Variants in CCDC73 observed in about 807,000 individuals in gnomAD.
The protein encoded by CCDC73 is coiled-coil domain-containing protein 73.
A neutral mutation model predicts 116.5 loss-of-function variants in CCDC73; 95 were observed. The ratio of observed to expected loss-of-function variants is 0.82; its 90% confidence interval spans 0.69 to 0.97. The LOEUF (loss-of-function observed/expected upper bound fraction) is 0.97, where lower values mean the gene tolerates loss of function less well. CCDC73 is among the 50% of genes least tolerant of loss of function. The pLI is 0.00. For missense variants in CCDC73, 1,066 were observed against 1,206.8 expected (o/e 0.88, Z 1.73); for synonymous variants, 398 against 401.3 (o/e 0.99, Z 0.10).
rs534455771 is a variant in CCDC73 at position 32,632,242 on chromosome 11, T to C, written c.1185+3454A>G. ...GGTTTATTTTTGTTGTTTGTTTTCT[T>C]TGAGACGGAGTCTCACTCTGTAGCC... On this transcript the variant is annotated intron_variant, in intron 14 of 17. Coordinates refer to ENST00000335185, the MANE Select transcript of CCDC73 (RefSeq NM_001008391.4). Among the ~76,000 whole-genome samples, 13 of 152,278 alleles carry C rather than the reference T, an allele frequency of 8.5e-5. No individual in the cohort carries two copies. In the South Asian group the frequency reaches 1.2e-3, roughly 15 times the overall value.
chr11:32,730,979 A>T (rs781499329), intron 2 of CCDC73, among the ~76,000 whole-genome samples: 1 of 152,188 alleles, frequency 6.6e-6, no homozygotes, highest in African/African-American at 2.4e-5. Context: ...GCGAGGCATC[A>T]TCTCACCCGG....
chr11:32,723,804 T>C, intron 2 of CCDC73, among the ~76,000 whole-genome samples: 1 of 152,308 alleles, frequency 6.6e-6, no homozygotes, highest in Non-Finnish European at 1.5e-5. Context: ...TTCTGTATTC[T>C]AGGTACTTTA....
chr11:32,763,503 G>C lies in CCDC73; in HGVS notation c.-15-3245C>G, dbSNP rs114656385. ...CAAACAGGGTCTGGTGTACCTGAAA[G>C]GGTCTTGAGTGGACCTCCAGCAAAC... On this transcript the variant is annotated intron_variant, in intron 1 of 17. Transcript: ENST00000335185. Among the ~76,000 whole-genome samples the C allele has an allele frequency of 5.8e-3, 884 of 152,332 alleles. 7 individuals carry two copies. The highest frequency in any genetic ancestry group is 0.02 in the African/African-American group (841 of 41,574).
intron 9 of CCDC73, among the ~76,000 whole-genome samples, chr11:32,675,023 T>A (rs1856073321): frequency 6.6e-6 from 1 of 152,174 alleles, no homozygotes; most frequent in Admixed American, 6.6e-5. Context: ...CCTGAAACAT[T>A]ACTCCCTTCC....
chr11:32,688,134 G>A lies in CCDC73; in HGVS notation c.391-4560C>T, dbSNP rs151302519. ...CTTCACAAAACACGCTGATTACAAA[G>A]GAGAAAAGATTAACTTTACAGTGGA... is the stretch of plus-strand genomic sequence containing the variant. On this transcript the variant is annotated intron_variant, in intron 6 of 17. Transcript: ENST00000335185. 5.6e-3 allele frequency among the ~76,000 whole-genome samples: 851 copies of A among 152,218 alleles called. 3 individuals are homozygous for A. The highest frequency in any genetic ancestry group is 0.01 in the Non-Finnish European group (696 of 68,004).
At chr11:32,607,978 T>C (rs535779399) in intron 17 of CCDC73, among the ~76,000 whole-genome samples, 1 of 151,958 alleles carries the variant, frequency 6.6e-6, no homozygotes, top group South Asian at 2.1e-4. Flanking sequence ...TTATTCACTA[T>C]CACAAGAATA....
intron 2 of CCDC73, among the ~76,000 whole-genome samples, chr11:32,749,203 C>T (rs1709320990): frequency 6.6e-6 from 1 of 152,000 alleles, no homozygotes; most frequent in African/African-American, 2.4e-5. Flanking sequence ...GCTATTTTCT[C>T]GATTTTGTAT....
chr11:32,642,846 G>A (rs1157990415), intron 12 of CCDC73, among the ~76,000 whole-genome samples: 1 of 151,608 alleles, frequency 6.6e-6, no homozygotes, highest in East Asian at 1.9e-4. Flanking sequence ...GGTTAAAAAT[G>A]TCAAGCCACA....
At chr11:32,704,571 G>A (rs879515661) in intron 3 of CCDC73, among the ~76,000 whole-genome samples, 1 of 152,176 alleles carries the variant, frequency 6.6e-6, no homozygotes, top group Admixed American at 6.5e-5. Flanking sequence ...GGGCACTACA[G>A]ACAGCATGTT....
chr11:32,783,091 G>A (rs1260519623), intron 1 of CCDC73, among the ~76,000 whole-genome samples: 1 of 151,714 alleles, frequency 6.6e-6, no homozygotes, highest in Non-Finnish European at 1.5e-5. Context: ...TCAAGTGCCA[G>A]CACCAAGACA....
intron 12 of CCDC73, among the ~76,000 whole-genome samples, chr11:32,651,132 A>G (rs1855822542): frequency 1.3e-5 from 2 of 152,002 alleles, no homozygotes; most frequent in South Asian, 2.1e-4. Context: ...CCCATCTACT[A>G]TGTCCTGGAC....
At chr11:32,820,003 C>G in the CCDC73 span, among the ~76,000 whole-genome samples, 1 of 152,022 alleles carries the variant, frequency 6.6e-6, no homozygotes, top group Non-Finnish European at 1.5e-5. Flanking sequence ...TCCTTATCTC[C>G]TAATTTTTCT....
At chr11:32,829,958 G>A in the CCDC73 span, 1 of 985,664 alleles carries the variant, frequency 1.0e-6, no homozygotes, top group Non-Finnish European at 1.2e-6. Flanking sequence ...ACCGAGGCAG[G>A]ACCTCACCCC....
rs780008386 is a variant in CCDC73, at chr11:32,654,951, C to CT, written c.666dup (p.Asp223ArgfsTer12). The stretch of plus-strand genomic sequence containing the variant: ...CATGTGACTTTGGACTTTATCAAGT[C>CT]TGAGGCTGCTTTTTTTAGTTCCTTA... On this transcript the variant is annotated frameshift_variant, in exon 10 of 18. Transcript: ENST00000335185. LOFTEE classifies it high-confidence loss of function. The CT allele has an allele frequency of 1.9e-6, 3 of 1,594,654 alleles. No homozygotes were observed. Among genetic ancestry groups the CT allele is most frequent in the Non-Finnish European group, 2.6e-6 (3 of 1,175,156 alleles).
At chr11:32,829,458 A>G in the CCDC73 span, among the ~76,000 whole-genome samples, 5 of 152,256 alleles carry the variant, frequency 3.3e-5, no homozygotes, top group Non-Finnish European at 5.9e-5. Context: ...CCATTGGAGA[A>G]CCAATGTAAT....
chr11:32,830,299 T>G, the CCDC73 span: 2 of 844,062 alleles, frequency 2.4e-6, no homozygotes, highest in Non-Finnish European at 3.2e-6. Context: ...CGATCAGCCC[T>G]CGGCAGGGTC....
the CCDC73 span, among the ~76,000 whole-genome samples, chr11:32,823,006 G>A: frequency 6.6e-6 from 1 of 152,130 alleles, no homozygotes; most frequent in African/African-American, 2.4e-5. Context: ...AGTGGCTCAT[G>A]TCTGTAATCC....
intron 6 of CCDC73, among the ~76,000 whole-genome samples, chr11:32,698,259 C>T (rs1273669972): frequency 1.3e-5 from 2 of 151,930 alleles, no homozygotes; most frequent in Non-Finnish European, 2.9e-5. Flanking sequence ...CTCCTGACCT[C>T]GTGATCCACC....
At chr11:32,623,090 C>A (rs957081145) in intron 14 of CCDC73, among the ~76,000 whole-genome samples, 1 of 151,348 alleles carries the variant, frequency 6.6e-6, no homozygotes, top group Non-Finnish European at 1.5e-5. Context: ...CTCATTGTAA[C>A]CTCTGCCTTC....
Sources: allele counts gnomAD v4.1 joint callset (sites outside exome capture counted in the v4.1 genomes callset), GRCh38; gene constraint gnomAD v4.1.1; transcripts MANE v1.5; gene names NCBI Gene and HGNC (gene_info 2026-07-23, HGNC 2026-07-21).